Variants in SORT1 observed in about 807,000 individuals in gnomAD.
The protein encoded by SORT1 is sortilin.
Under a neutral mutation model 101.7 loss-of-function variants are expected in SORT1, and 39 were observed. That is an observed-to-expected ratio of 0.38 (90% CI 0.30 to 0.50). The LOEUF (loss-of-function observed/expected upper bound fraction) is 0.50. Ranked by LOEUF, SORT1 falls within the 20% of genes least tolerant of loss-of-function variation. SORT1 has a pLI of 0.90. For missense variants in SORT1, 878 were observed against 1,040.4 expected, an observed-to-expected ratio of 0.84 and a Z score of 2.15; for synonymous variants, 396 against 393.7, an observed-to-expected ratio of 1.01 and a Z score of -0.07.
chr1:109,344,904 C>T (rs1183829970), intron 8 of SORT1, among the ~76,000 whole-genome samples: 1 of 152,048 alleles, frequency 6.6e-6, no homozygotes, highest in East Asian at 1.9e-4. Context: ...GTCATGTTGC[C>T]CAGGCTGGTC....
intron 10 of SORT1, among the ~76,000 whole-genome samples, chr1:109,339,776 A>G (rs558429412): frequency 1.3e-5 from 2 of 152,348 alleles, no homozygotes; most frequent in Non-Finnish European, 2.9e-5. Flanking sequence ...AAACAGTTAC[A>G]TGTATAACAA....
intron 17 of SORT1, among the ~76,000 whole-genome samples, chr1:109,314,997 C>T (rs907272430): frequency 6.6e-6 from 1 of 152,094 alleles, no homozygotes; most frequent in African/African-American, 2.4e-5. Context: ...CTGCCTTGAA[C>T]CTTCAAATTC....
At position 109,383,949 on chromosome 1, in the gene SORT1, C is replaced by T. The variant is rs528385141; in HGVS notation, c.306+13638G>A. ...AAATTTTATTTCCAGCTCTACAAAA[C>T]GCTGCGTGAAATTGGGCAGCACAAC... On this transcript the variant is annotated intron_variant, in intron 1 of 19. Coordinates refer to ENST00000256637, the MANE Select transcript of SORT1 (RefSeq NM_002959.7). 7.4e-4 allele frequency among the ~76,000 whole-genome samples: 113 copies of T among 152,292 alleles called. 2 individuals are homozygous for T. The South Asian group carries it at 0.022, about 30-fold the overall frequency.
chr1:109,367,204 G>A, intron 3 of SORT1: 1 of 425,564 alleles, frequency 2.3e-6, no homozygotes, highest in Middle Eastern at 3.9e-4. Context: ...TCCAGCCTGG[G>A]TGACAAGAGT....
At chr1:109,389,732 T>C (rs1034367946) in intron 1 of SORT1, 1 of 152,288 alleles carries the variant, frequency 6.6e-6, no homozygotes, top group African/African-American at 2.4e-5. Flanking sequence ...GAGTGCTTTT[T>C]GGAAACGTTA....
At chr1:109,353,704 GC>G (rs1650115525) in intron 5 of SORT1, among the ~76,000 whole-genome samples, 1 of 152,186 alleles carries the variant, frequency 6.6e-6, no homozygotes, top group South Asian at 2.1e-4. Context: ...ATGAGAGAAG[GC>G]CATAAAAATG....
At chr1:109,372,192 A>G (rs1651518754) in intron 1 of SORT1, among the ~76,000 whole-genome samples, 1 of 152,224 alleles carries the variant, frequency 6.6e-6, no homozygotes, top group Non-Finnish European at 1.5e-5. Flanking sequence ...CTAATCCAGA[A>G]TCATTTCTAA....
At chr1:109,336,497 C>T (rs375938067) in intron 10 of SORT1, 151 bp from the exon 11 acceptor site, 370 of 620,268 alleles carry the variant, frequency 6.0e-4, no homozygotes, top group Admixed American at 1.3e-3. Flanking sequence ...TTGTTGGTAA[C>T]GGAGCAGCAC....
intron 10 of SORT1, among the ~76,000 whole-genome samples, chr1:109,336,843 G>T (rs1648869102): frequency 6.6e-6 from 1 of 151,492 alleles, no homozygotes; most frequent in Admixed American, 6.6e-5. Context: ...TTTGAAGAAG[G>T]TGTCCCACCT....
In SORT1 at chr1:109,313,607, C is replaced by T. The variant is rs531232291; in HGVS notation, c.*436G>A. 4.3e-5 allele frequency: 8 copies of T among 185,056 alleles called. No homozygotes were observed. Among genetic ancestry groups the T allele is most frequent in the Non-Finnish European group, 9.1e-5 (8 of 87,870 alleles). The allele number at this position is 185,056 out of a possible 1,614,324, so 11.5% of individuals were successfully genotyped here. On this transcript the variant is annotated 3_prime_UTR_variant, in exon 20 of 20. Coordinates refer to ENST00000256637, the MANE Select transcript of SORT1 (RefSeq NM_002959.7). ...TTTCATCTCTACAGCTGTTTCGTCT[C>T]GCCAGCAGAGCCCAGGGATGGTACC...
intron 10 of SORT1, among the ~76,000 whole-genome samples, chr1:109,336,812 GA>G (rs11356350): frequency 0.68 from 91,586 of 135,530 alleles, 30,645 homozygotes; most frequent in East Asian, 0.95. Flanking sequence ...TCTTGTCTCA[GA>G]AAAAAAAAAA....
At position 109,323,093 on chromosome 1, in the gene SORT1, C is replaced by G; in HGVS notation, c.1863G>C (p.Leu621=). 1 of 1,614,076 alleles carries G rather than the reference C, an allele frequency of 6.2e-7. No individual in the cohort carries two copies. Among genetic ancestry groups the G allele is most frequent in the Non-Finnish European group, 8.5e-7 (1 of 1,179,956 alleles). Residue 621 remains leucine, a synonymous_variant, in exon 15 of 20, where the codon CTG becomes CTC. Transcript: ENST00000256637. ...AATCTTCAGGGTCTGTGGAGTGTGC[C>G]AGCCATATGGTATAGTCCTTCTCTT... ...NCEEKDYTIW[L]AHSTDPEDYE...
rs760785006 is a variant in SORT1 at position 109,347,464 on chromosome 1, G to A, written c.832+19C>T. On this transcript the variant is annotated intron_variant, in intron 7 of 19. Transcript: ENST00000256637. ...AATGGACAACAGGACATTATTTTCT[G>A]GGACTAAAATATACTTACTGCAGGA... 3.8e-6 allele frequency: 6 copies of A among 1,566,066 alleles called. No homozygotes were observed. The Admixed American group carries it at 5.0e-5, about 13-fold the overall frequency.
chr1:109,382,743 C>G (rs1401412416), intron 1 of SORT1, among the ~76,000 whole-genome samples: 4 of 152,194 alleles, frequency 2.6e-5, no homozygotes, highest in South Asian at 4.1e-4. Flanking sequence ...TTATAGTTGC[C>G]ATCTGACTGT....
intron 19 of SORT1, 38 bp from the exon 20 acceptor site, chr1:109,314,095 A>T: frequency 6.2e-7 from 1 of 1,613,696 alleles, no homozygotes; most frequent in South Asian, 1.1e-5. Context: ...ACAGACCACA[A>T]CACTCCTATT....
intron 15 of SORT1, among the ~76,000 whole-genome samples, chr1:109,320,337 C>CCAG (rs1647538888): frequency 1.3e-5 from 2 of 152,290 alleles, no homozygotes; most frequent in Admixed American, 1.3e-4. Context: ...CTCCTTTGTG[C>CCAG]CAGGCTCTCC....
intron 1 of SORT1, among the ~76,000 whole-genome samples, chr1:109,387,078 G>A (rs1025346592): frequency 6.6e-6 from 1 of 151,984 alleles, no homozygotes; most frequent in African/African-American, 2.4e-5. Flanking sequence ...ATCACCTGAG[G>A]TCAGGAGTTC....
At chr1:109,326,468 T>TACAC (rs758005459) in intron 13 of SORT1, among the ~76,000 whole-genome samples, 1 of 62,732 alleles carries the variant, frequency 1.6e-5, no homozygotes, top group African/African-American at 6.5e-5. Context: ...TATATATACA[T>TACAC]ACACACACAC....
chr1:109,358,066 T>C (rs914635680), intron 3 of SORT1, among the ~76,000 whole-genome samples: 1 of 152,180 alleles, frequency 6.6e-6, no homozygotes, highest in Non-Finnish European at 1.5e-5. Flanking sequence ...CCTGCTTGCT[T>C]TTTAAGAACT....
Sources: gnomAD v4.1 joint callset for allele counts (sites outside exome capture counted in the v4.1 genomes callset) on GRCh38, gnomAD v4.1.1 for gene constraint, MANE v1.5 for transcripts, NCBI Gene and HGNC (gene_info 2026-07-23, HGNC 2026-07-21) for gene names.